RTF1: variants seen among roughly 807,000 people sequenced by gnomAD.
The protein encoded by RTF1 is RTF1 homolog, Paf1/RNA polymerase II complex component.
A neutral mutation model predicts 95.7 loss-of-function variants in RTF1; 10 were observed. The ratio of observed to expected loss-of-function variants is 0.10; its 90% CI spans 0.06 to 0.18. The LOEUF (loss-of-function observed/expected upper bound fraction) is 0.18, where lower values mean the gene tolerates loss of function less well. Among genes scored for constraint, RTF1 ranks in the 10% least tolerant of loss-of-function variants. The pLI is 1.00. For missense variants in RTF1, 458 were observed against 875.6 expected, an observed-to-expected ratio of 0.52 and a Z score of 6.02; for synonymous variants, 305 against 311.8, an observed-to-expected ratio of 0.98 and a Z score of 0.23.
rs372173528 is a variant in RTF1, at chr15:41,468,368, A to G, written c.890-1889A>G. 7.8e-4 allele frequency among the ~76,000 whole-genome samples: 118 copies of G among 151,692 alleles called. 2 individuals carry two copies. The highest frequency in any genetic ancestry group is 2.4e-3 in the African/African-American group (100 of 41,302). ...AGTCTCGCTCTGTCGCCCAGGTTGG[A>G]GTGCAGTGGCGCGATCTCGGCTCAC... is the stretch of plus-strand genomic sequence containing the variant. On this transcript the variant is annotated intron_variant, in intron 6 of 17. Coordinates refer to ENST00000389629, the MANE Select transcript of RTF1 (RefSeq NM_015138.5).
At chr15:41,419,034 A>C (rs1377686537) in intron 1 of RTF1, among the ~76,000 whole-genome samples, 1 of 152,066 alleles carries the variant, frequency 6.6e-6, no homozygotes, top group Admixed American at 6.6e-5. Context: ...TGGAGAAGTA[A>C]TGGGGCCTGT....
chr15:41,440,019 CA>C (rs1170122877), intron 2 of RTF1, among the ~76,000 whole-genome samples: 2 of 152,090 alleles, frequency 1.3e-5, no homozygotes, highest in Non-Finnish European at 2.9e-5. Context: ...TATCACCTTT[CA>C]GTGTAATTTC....
intron 9 of RTF1, among the ~76,000 whole-genome samples, chr15:41,475,095 T>C (rs951849711): frequency 3.9e-5 from 6 of 152,160 alleles, no homozygotes; most frequent in Non-Finnish European, 8.8e-5. Context: ...AATGAAAGTG[T>C]CATTCACTCA....
intron 1 of RTF1, among the ~76,000 whole-genome samples, chr15:41,426,536 A>G (rs542943423): frequency 1.3e-5 from 2 of 151,806 alleles, no homozygotes; most frequent in African/African-American, 4.8e-5. Flanking sequence ...CGAACTCCAG[A>G]CGTCATGATC....
At chr15:41,426,408 C>T (rs1240412208) in intron 1 of RTF1, among the ~76,000 whole-genome samples, 5 of 151,834 alleles carry the variant, frequency 3.3e-5, no homozygotes, top group South Asian at 2.1e-4. Context: ...TGGATTCAAG[C>T]GATTCTTCTG....
intron 3 of RTF1, among the ~76,000 whole-genome samples, chr15:41,457,299 C>T (rs1056999752): frequency 4.6e-5 from 7 of 152,062 alleles, no homozygotes; most frequent in African/African-American, 1.2e-4. Context: ...ACTGGGAGGC[C>T]GAGGTGGGCA....
intron 1 of RTF1, among the ~76,000 whole-genome samples, chr15:41,431,373 C>T (rs956728878): frequency 3.1e-4 from 47 of 151,864 alleles, no homozygotes; most frequent in African/African-American, 1.1e-3. Context: ...TGCCACCACG[C>T]CCAGCTACTT....
intron 1 of RTF1, among the ~76,000 whole-genome samples, chr15:41,427,286 G>C (rs1289189831): frequency 6.6e-6 from 1 of 150,562 alleles, no homozygotes; most frequent in Non-Finnish European, 1.5e-5. Flanking sequence ...TGAGTAGCTG[G>C]GACTACAGGC....
At chr15:41,446,622 T>C (rs1423780697) in intron 2 of RTF1, among the ~76,000 whole-genome samples, 1 of 152,132 alleles carries the variant, frequency 6.6e-6, no homozygotes, top group East Asian at 1.9e-4. Flanking sequence ...TGGTTTCTAG[T>C]GTGCGCTAAA....
chr15:41,437,545 A>G (rs1016385480), intron 1 of RTF1, among the ~76,000 whole-genome samples: 1 of 152,136 alleles, frequency 6.6e-6, no homozygotes, highest in Non-Finnish European at 1.5e-5. Context: ...GTACAGTATA[A>G]TTGTGGACTG....
At chr15:41,471,100 T>G in intron 7 of RTF1, 72 bp from the exon 8 acceptor site, 10 of 1,414,994 alleles carry the variant, frequency 7.1e-6, no homozygotes, top group Non-Finnish European at 9.6e-6. Flanking sequence ...TTTTGAGGAG[T>G]TGATATTATT....
intron 3 of RTF1, among the ~76,000 whole-genome samples, chr15:41,453,976 A>G (rs559211170): frequency 1.3e-5 from 2 of 152,222 alleles, no homozygotes; most frequent in African/African-American, 2.4e-5. Flanking sequence ...ACTTAGTTCA[A>G]TACTCATTGT....
intron 1 of RTF1, among the ~76,000 whole-genome samples, chr15:41,424,190 A>C (rs2050617373): frequency 6.6e-6 from 1 of 152,192 alleles, no homozygotes; most frequent in Non-Finnish European, 1.5e-5. Context: ...GATTGCTCAG[A>C]GAGAGTAATT....
chr15:41,439,113 C>T (rs2050719872), intron 2 of RTF1, among the ~76,000 whole-genome samples: 1 of 150,858 alleles, frequency 6.6e-6, no homozygotes, highest in African/African-American at 2.4e-5. Context: ...CTCACTGCAA[C>T]TTCCGCCTTC....
At chr15:41,447,730 A>G (rs2050770637) in intron 2 of RTF1, among the ~76,000 whole-genome samples, 2 of 152,134 alleles carry the variant, frequency 1.3e-5, no homozygotes, top group South Asian at 2.1e-4. Context: ...AGCAGTGGTC[A>G]TTGGGAGATC....
chr15:41,455,069 A>G (rs554375378), intron 3 of RTF1, among the ~76,000 whole-genome samples: 117 of 152,276 alleles, frequency 7.7e-4, no homozygotes, highest in Non-Finnish European at 1.1e-3. Flanking sequence ...TAATCCCAGC[A>G]CTTTGGGAGG....
intron 8 of RTF1, 57 bp downstream of exon 8, chr15:41,471,406 T>G: frequency 6.6e-7 from 1 of 1,525,544 alleles, no homozygotes; most frequent in Admixed American, 2.0e-5. Flanking sequence ...TAGTCTCAAC[T>G]GAGGGCAGGA....
Position 41,453,063 on chromosome 15 carries a change from C to G in RTF1, c.457+15C>G, listed in dbSNP as rs2050796301. 3.9e-6 allele frequency: 6 copies of G among 1,550,872 alleles called. No homozygotes were observed. The highest frequency in any genetic ancestry group is 3.5e-6 in the Non-Finnish European group (4 of 1,153,762). On this transcript the variant is annotated intron_variant, in intron 3 of 17. Transcript: ENST00000389629. ...CCCTGAGGAAGGTGAGCTGAGCAGCCTAGACCTGGAAGGTCAACTCCCACT... is the reference window on the plus strand; with the variant it reads ...CCCTGAGGAAGGTGAGCTGAGCAGCGTAGACCTGGAAGGTCAACTCCCACT...
chr15:41,463,255 T>A (rs1458740288), intron 4 of RTF1, among the ~76,000 whole-genome samples: 1 of 152,208 alleles, frequency 6.6e-6, no homozygotes. Context: ...TGTTTCCTCC[T>A]TTTTGCTATT....
Sources: gnomAD v4.1 joint callset for allele counts (sites outside exome capture counted in the v4.1 genomes callset) on GRCh38, gnomAD v4.1.1 for gene constraint, MANE v1.5 for transcripts, NCBI Gene and HGNC (gene_info 2026-07-23, HGNC 2026-07-21) for gene names.